The following IL12RB1 variants were observed in gnomAD, a reference collection of about 807,000 sequenced individuals.
IL12RB1 encodes interleukin 12 receptor subunit beta 1.
IL12RB1 carries 64 observed loss-of-function variants against 94.4 expected under a neutral mutation model. The observed-to-expected ratio is 0.68, with a 90% CI of 0.55 to 0.83. The LOEUF (loss-of-function observed/expected upper bound fraction) is 0.83, where lower values mean the gene tolerates loss of function less well. Among genes scored for constraint, IL12RB1 ranks in the 40% least tolerant of loss-of-function variants. The probability of loss-of-function intolerance (pLI) is 0.00; values close to 1 mark genes in which losing one functional copy is unlikely to be tolerated. For synonymous variants in IL12RB1, 362 were observed against 355.5 expected (o/e 1.02, Z -0.21); for missense variants, 814 against 855.6 (o/e 0.95, Z 0.61).
upstream of IL12RB1, among the ~76,000 whole-genome samples, chr19:18,091,947 G>C (rs1183742176): frequency 6.8e-6 from 1 of 148,030 alleles, no homozygotes; most frequent in Non-Finnish European, 1.5e-5. Flanking sequence ...TGCGATTTCA[G>C]CTCACTATAA....
At chr19:18,083,345 G>T (rs2036046165) in intron 2 of IL12RB1, 87 bp downstream of exon 2, 4 of 1,226,580 alleles carry the variant, frequency 3.3e-6, no homozygotes, top group South Asian at 2.4e-5. Flanking sequence ...TTGGCCTGGT[G>T]GTGGAGGCCA....
At chr19:18,073,708 C>T in intron 7 of IL12RB1, 109 bp from the exon 8 acceptor site, 1 of 783,936 alleles carries the variant, frequency 1.3e-6, no homozygotes, top group South Asian at 1.5e-5. Flanking sequence ...AAATCCCTTG[C>T]TGCCCCAAAT....
chr19:18,094,758 C>T (rs768819435), intron 1 of IL12RB1, among the ~76,000 whole-genome samples: 5 of 152,084 alleles, frequency 3.3e-5, no homozygotes, highest in African/African-American at 9.7e-5. Context: ...TCAGCTACTC[C>T]GCCCTCCAGC....
At chr19:18,080,031 C>G (rs896800058) in intron 4 of IL12RB1, among the ~76,000 whole-genome samples, 9 of 151,900 alleles carry the variant, frequency 5.9e-5, no homozygotes, top group Non-Finnish European at 1.0e-4. Flanking sequence ...ACATGTTTTC[C>G]TTCATTCTTT....
chr19:18,059,442 C>T lies in IL12RB1; in HGVS notation c.*166G>A. 1.5e-6 allele frequency: 1 copy of T among 648,464 alleles called. No homozygotes were observed. The highest frequency in any genetic ancestry group is 1.7e-5 in the South Asian group (1 of 59,948). The allele number at this position is 648,464 out of a possible 1,614,324, so 40.2% of individuals were successfully genotyped here. On this transcript the variant is annotated 3_prime_UTR_variant, in exon 17 of 17. Transcript: ENST00000593993. ...GGGTGCAGCAGCTTCCATTTCATGG[C>T]AGCATCTAGGGTTCCCCCGCAGGAT...
At chr19:18,085,006 C>T (rs1388732088) in intron 1 of IL12RB1, among the ~76,000 whole-genome samples, 1 of 152,202 alleles carries the variant, frequency 6.6e-6, no homozygotes, top group Non-Finnish European at 1.5e-5. Context: ...CACTAGCAGT[C>T]AGGGCAATTA....
At chr19:18,081,545 C>T (rs964842347) in intron 3 of IL12RB1, among the ~76,000 whole-genome samples, 1 of 151,646 alleles carries the variant, frequency 6.6e-6, no homozygotes, top group Non-Finnish European at 1.5e-5. Context: ...AAGGGCTGGG[C>T]GCAGTGCCTC....
chr19:18,067,140 A>G (rs1338821507), intron 11 of IL12RB1, among the ~76,000 whole-genome samples: 1 of 151,262 alleles, frequency 6.6e-6, no homozygotes, highest in East Asian at 1.9e-4. Context: ...CCTGAGGAAC[A>G]TGGGGAAACC....
intron 4 of IL12RB1, among the ~76,000 whole-genome samples, chr19:18,080,157 G>A (rs1480617234): frequency 6.6e-6 from 1 of 151,666 alleles, no homozygotes; most frequent in African/African-American, 2.4e-5. Context: ...CTGGATTCAA[G>A]CCATTCTCCC....
Position 18,097,154 on chromosome 19 carries a change from T to G in IL12RB1, c.-230+1601A>C, listed in dbSNP as rs375097959. Among the ~76,000 whole-genome samples the G allele has an allele frequency of 1.4e-4, 22 of 152,224 alleles. No homozygotes were observed. The East Asian group carries it at 4.1e-3, about 28-fold the overall frequency. On this transcript the variant is annotated intron_variant, in intron 1 of 4. Transcript: ENST00000594176. ...TCACCCTAGAACCCGTTCTGCTGTG[T>G]GTACTGGGCACATTTTTTGTTGTTG...
At chr19:18,078,075 C>G (rs1171424595) in intron 4 of IL12RB1, among the ~76,000 whole-genome samples, 1 of 152,110 alleles carries the variant, frequency 6.6e-6, no homozygotes, top group Non-Finnish European at 1.5e-5. Flanking sequence ...CACCACTGCT[C>G]TCCAATCTAG....
intron 1 of IL12RB1, among the ~76,000 whole-genome samples, chr19:18,092,486 G>T (rs2146580327): frequency 6.6e-6 from 1 of 151,482 alleles, no homozygotes; most frequent in Non-Finnish European, 1.5e-5. Flanking sequence ...GTGAAATTCT[G>T]TCTCAAAAAA....
At chr19:18,082,373 C>A (rs544038869) in intron 2 of IL12RB1, 109 bp from the exon 3 acceptor site, 1 of 726,126 alleles carries the variant, frequency 1.4e-6, no homozygotes, top group Non-Finnish European at 2.5e-6. Context: ...TCAGCCTAAA[C>A]CCTCCCCGCG....
At chr19:18,066,751 GCA>G in intron 11 of IL12RB1, 54 bp from the exon 12 acceptor site, 1 of 1,491,422 alleles carries the variant, frequency 6.7e-7, no homozygotes, top group Non-Finnish European at 9.3e-7. Flanking sequence ...TCGAGGCCTG[GCA>G]CAGTGGCTCG....
At chr19:18,068,831 C>T (rs368641725) in intron 10 of IL12RB1, among the ~76,000 whole-genome samples, 4 of 151,384 alleles carry the variant, frequency 2.6e-5, no homozygotes, top group African/African-American at 4.9e-5. Context: ...TCACTGCAAT[C>T]CCTGCCTCCC....
Position 18,073,248 on chromosome 19 carries a change from T to A in IL12RB1, c.783+269A>T, listed in dbSNP as rs79423643. Among the ~76,000 whole-genome samples the A allele has an allele frequency of 1.2e-3, 176 of 152,242 alleles. 7 individuals are homozygous for A. In the East Asian group the frequency reaches 0.034, roughly 29 times the overall value. On this transcript the variant is annotated intron_variant, in intron 8 of 16. Transcript: ENST00000593993. ...CACCATTATCTCCTTCCTGGCCTTC[T>A]GGCTTCTGTGCAATTCCCCCACACT...
At chr19:18,076,902 A>G (rs2035522639) in intron 5 of IL12RB1, among the ~76,000 whole-genome samples, 1 of 152,188 alleles carries the variant, frequency 6.6e-6, no homozygotes, top group African/African-American at 2.4e-5. Flanking sequence ...CAGAAAAAAG[A>G]CATTCCTGGA....
intron 4 of IL12RB1, among the ~76,000 whole-genome samples, chr19:18,080,211 A>C (rs1599543982): frequency 2.6e-5 from 4 of 151,604 alleles, no homozygotes; most frequent in Admixed American, 2.6e-4. Context: ...ATGCACCACC[A>C]CACCAGGCAA....
Position 18,075,862 on chromosome 19 carries a change from C to G in IL12RB1, c.587G>C (p.Cys196Ser). 6.2e-7 allele frequency: 1 copy of G among 1,613,516 alleles called. No individual in the cohort carries two copies. The highest frequency in any genetic ancestry group is 8.5e-7 in the Non-Finnish European group (1 of 1,179,484). The change falls in exon 7 of 17, where the codon TGC becomes TCC. Residue 196 changes from cysteine (C) to serine (S), a missense_variant. By Grantham distance (112) the Cys-to-Ser change is moderately radical. Coordinates refer to ENST00000593993, the MANE Select transcript of IL12RB1 (RefSeq NM_005535.3). The stretch of plus-strand genomic sequence containing the variant: ...CACATTCATCTCCAGGGGGCAGAGG[C>G]AGGACTCTGGGGAGAGGCAGGTCGA... Reference protein sequence around the residue: ...CGPQDDDTESCLCPLEMNVAQ... With the variant: ...CGPQDDDTESSLCPLEMNVAQ...
Sources: allele counts gnomAD v4.1 joint callset (sites outside exome capture counted in the v4.1 genomes callset), GRCh38; gene constraint gnomAD v4.1.1; transcripts MANE v1.5; gene names NCBI Gene and HGNC (gene_info 2026-07-23, HGNC 2026-07-21).